RTF1: variants seen among roughly 807,000 people sequenced by gnomAD.
The protein encoded by RTF1 is RNA polymerase-associated protein RTF1 homolog.
Under a neutral mutation model 95.7 loss-of-function variants are expected in RTF1, and 10 were observed. That is an observed-to-expected ratio of 0.10 (90% confidence interval 0.06 to 0.18). The LOEUF (loss-of-function observed/expected upper bound fraction) is 0.18. Ranked by LOEUF, RTF1 falls within the 10% of genes least tolerant of loss-of-function variation. The pLI, the probability that RTF1 is intolerant of heterozygous loss-of-function variation, is 1.00. For missense variants in RTF1, 458 were observed against 875.6 expected (o/e 0.52, Z 6.02); for synonymous variants, 305 against 311.8 (o/e 0.98, Z 0.23).
intron 1 of RTF1, among the ~76,000 whole-genome samples, chr15:41,432,492 C>T (rs74788505): frequency 0.051 from 7,681 of 152,004 alleles, 238 homozygotes; most frequent in East Asian, 0.16. Context: ...CCACTGCGCC[C>T]GGCCTAGGTT....
At chr15:41,440,594 A>G (rs142438191) in intron 2 of RTF1, among the ~76,000 whole-genome samples, 2,381 of 150,730 alleles carry the variant, frequency 0.016, 73 homozygotes, top group African/African-American at 0.056. Context: ...GGTTCAAGCA[A>G]TTTTCCTGTC....
Position 41,480,733 on chromosome 15 carries a change from G to A in RTF1, c.*46G>A, listed in dbSNP as rs775516044. On this transcript the variant is annotated 3_prime_UTR_variant, in exon 18 of 18. Transcript: ENST00000389629. ...CTGACCCTGCATGCCCCATCGCAGC[G>A]TCCCACCTTTCCTCCTTTCCTTTGA... 2.1e-5 allele frequency: 28 copies of A among 1,352,140 alleles called. No homozygotes were observed. The highest frequency in any genetic ancestry group is 1.8e-4 in the Middle Eastern group (1 of 5,608). 83.8% of individuals were successfully genotyped at this position (1,352,140 alleles called of 1,614,324 possible). A position where few individuals can be genotyped will look rare whatever the true frequency, so the allele number is the denominator to read the frequency against.
At chr15:41,430,631 C>G (rs1210440478) in intron 1 of RTF1, among the ~76,000 whole-genome samples, 1 of 151,444 alleles carries the variant, frequency 6.6e-6, no homozygotes, top group Non-Finnish European at 1.5e-5. Context: ...GTCCCAGCTA[C>G]TTGGAAGGCT....
intron 3 of RTF1, among the ~76,000 whole-genome samples, chr15:41,457,471 G>C (rs569919069): frequency 5.3e-5 from 8 of 152,174 alleles, no homozygotes; most frequent in East Asian, 3.9e-4. Context: ...AGGTGGAGGA[G>C]CTGAGATTGT....
intron 1 of RTF1, among the ~76,000 whole-genome samples, chr15:41,437,931 A>G (rs989124565): frequency 1.3e-5 from 2 of 152,182 alleles, no homozygotes; most frequent in Non-Finnish European, 2.9e-5. Context: ...ACAAATGCCA[A>G]TTTTACCATT....
chr15:41,468,748 G>A (rs1595438506), intron 6 of RTF1, among the ~76,000 whole-genome samples: 1 of 152,212 alleles, frequency 6.6e-6, no homozygotes, highest in Non-Finnish European at 1.5e-5. Flanking sequence ...TCCTGGCAAG[G>A]TACAGTGGCT....
intron 5 of RTF1, among the ~76,000 whole-genome samples, 197 bp downstream of exon 5, chr15:41,465,082 T>G (rs1595437244): frequency 6.6e-6 from 1 of 152,206 alleles, no homozygotes; most frequent in South Asian, 2.1e-4. Context: ...CTTTTTCCTT[T>G]GCTTTCCTTT....
chr15:41,468,916 G>C (rs989100922), intron 6 of RTF1, among the ~76,000 whole-genome samples: 3 of 152,102 alleles, frequency 2.0e-5, no homozygotes, highest in Non-Finnish European at 4.4e-5. Flanking sequence ...TTTTTAACGT[G>C]CTTTATGTGT....
At chr15:41,424,402 T>C (rs1406789249) in intron 1 of RTF1, among the ~76,000 whole-genome samples, 1 of 151,900 alleles carries the variant, frequency 6.6e-6, no homozygotes, top group Non-Finnish European at 1.5e-5. Context: ...ATAAAAGAAA[T>C]GAGACAGGAA....
chr15:41,419,452 A>G (rs895400748), intron 1 of RTF1, among the ~76,000 whole-genome samples: 1 of 152,364 alleles, frequency 6.6e-6, no homozygotes, highest in Admixed American at 6.5e-5. Context: ...GCATGAGTAC[A>G]AAGCCTATAC....
At chr15:41,426,799 G>GTGTGTA (rs2050634869) in intron 1 of RTF1, among the ~76,000 whole-genome samples, 1 of 137,724 alleles carries the variant, frequency 7.3e-6, no homozygotes, top group Non-Finnish European at 1.6e-5. Context: ...GTGTGTGTGT[G>GTGTGTA]TGTGTGTGTG....
chr15:41,464,760 C>CT lies in RTF1; in HGVS notation c.663-7dup. ...TCATTGCTACTTAAAAACCAAATAT[C>CT]TTTTAACCAGATTTGAAATCAAGAA... On this transcript the variant is annotated splice_polypyrimidine_tract_variant and intron_variant, in intron 4 of 17. Coordinates refer to ENST00000389629, the MANE Select transcript of RTF1 (RefSeq NM_015138.5). 6.5e-7 allele frequency: 1 copy of CT among 1,547,500 alleles called. No homozygotes were observed. Among genetic ancestry groups the CT allele is most frequent in the Admixed American group, 2.1e-5 (1 of 48,586 alleles).
intron 1 of RTF1, among the ~76,000 whole-genome samples, chr15:41,434,817 C>T (rs183015337): frequency 3.3e-5 from 5 of 151,732 alleles, no homozygotes; most frequent in East Asian, 1.9e-4. Flanking sequence ...TTAGTAGAGA[C>T]GGAGTTTCAC....
At chr15:41,425,251 G>A (rs1041685102) in intron 1 of RTF1, among the ~76,000 whole-genome samples, 1 of 152,086 alleles carries the variant, frequency 6.6e-6, no homozygotes, top group African/African-American at 2.4e-5. Flanking sequence ...ATAGGCGCCT[G>A]CCACTGTGTC....
chr15:41,475,835 C>A lies in RTF1; in HGVS notation c.1482+16C>A. 7.5e-7 allele frequency: 1 copy of A among 1,326,426 alleles called. No individual in the cohort carries two copies. The highest frequency in any genetic ancestry group is 1.1e-6 in the Non-Finnish European group (1 of 938,882). The allele number at this position is 1,326,426 out of a possible 1,614,324, so 82.2% of individuals were successfully genotyped here. A position where few individuals can be genotyped will look rare whatever the true frequency, so the allele number is the denominator to read the frequency against. On this transcript the variant is annotated intron_variant, in intron 11 of 17. Transcript: ENST00000389629. ...CATTGAAGAGGTAAGAAAACTGGTG[C>A]CCCAGAACCCGGAGGTTCATCAAGA...
At chr15:41,480,390 A>T (rs2050966038) in intron 17 of RTF1, 65 bp downstream of exon 17, 2 of 1,205,428 alleles carry the variant, frequency 1.7e-6, no homozygotes, top group Non-Finnish European at 2.5e-6. Flanking sequence ...TTCTGGGGCA[A>T]CAAGGAAGCC....
rs1000117666 is a variant in RTF1 at position 41,479,307 on chromosome 15, G to T, written c.1914+109G>T. 6.0e-5 allele frequency: 41 copies of T among 685,658 alleles called. No homozygotes were observed. The African/African-American group carries it at 6.5e-4, about 11-fold the overall frequency. The allele number at this position is 685,658 out of a possible 1,614,324, so 42.5% of individuals were successfully genotyped here. A position where few individuals can be genotyped will look rare whatever the true frequency, so the allele number is the denominator to read the frequency against. ...ATTTTTCCACCTTGAGGAACAGGGA[G>T]TCCCTCTTGGAGTCCCTTCTCCATC... On this transcript the variant is annotated intron_variant, in intron 16 of 17. Transcript: ENST00000389629.
chr15:41,442,260 C>T (rs995920773), intron 2 of RTF1, among the ~76,000 whole-genome samples: 5 of 151,534 alleles, frequency 3.3e-5, no homozygotes, highest in Admixed American at 6.6e-5. Context: ...CTCTGCCTCC[C>T]GGGTTCACGC....
chr15:41,424,089 G>A (rs1261492748), intron 1 of RTF1, among the ~76,000 whole-genome samples: 5 of 152,130 alleles, frequency 3.3e-5, no homozygotes, highest in East Asian at 3.8e-4. Flanking sequence ...ATTAGACAGC[G>A]TTAGACACTA....
Sources: gnomAD v4.1 joint callset for allele counts (sites outside exome capture counted in the v4.1 genomes callset) on GRCh38, gnomAD v4.1.1 for gene constraint, MANE v1.5 for transcripts, NCBI Gene and HGNC (gene_info 2026-07-23, HGNC 2026-07-21) for gene names.